CNTN5: variants seen among roughly 807,000 people sequenced by gnomAD.
The protein encoded by CNTN5 is contactin 5.
Under a neutral mutation model 129.1 loss-of-function variants are expected in CNTN5, and 77 were observed. The ratio of observed to expected loss-of-function variants is 0.60; its 90% confidence interval spans 0.50 to 0.72. The LOEUF is 0.72. Ranked by LOEUF, CNTN5 falls within the 30% of genes least tolerant of loss-of-function variation. The pLI is 0.00. For synonymous variants in CNTN5, 509 were observed against 465.6 expected (o/e 1.09, Z -1.20); for missense variants, 1,478 against 1,328.8 (o/e 1.11, Z -1.75).
chr11:99,984,290 G>T (rs1487406844), intron 8 of CNTN5, among the ~76,000 whole-genome samples: 1 of 147,726 alleles, frequency 6.8e-6, no homozygotes. Context: ...AAGAGAGAAA[G>T]AAAAGAATGG....
At chr11:100,305,142 G>T (rs940506897) in intron 20 of CNTN5, among the ~76,000 whole-genome samples, 10 of 151,526 alleles carry the variant, frequency 6.6e-5, no homozygotes, top group African/African-American at 2.2e-4. Flanking sequence ...TTTAAAAACA[G>T]AGGAAAGAGC....
rs560641573 is a variant in CNTN5 at position 99,619,798 on chromosome 11, G to GGGC, written c.55+63532_55+63534dup. On this transcript the variant is annotated intron_variant, in intron 3 of 24. Coordinates refer to ENST00000524871, the MANE Select transcript of CNTN5 (RefSeq NM_014361.4). ...TCCCAGCACTTTGGGAGGCCGAGGC[G>GGGC]GGCGGATCACAAGGTCAGGAGATCA... Among the ~76,000 whole-genome samples, 34 of 151,968 alleles carry GGGC rather than the reference G, an allele frequency of 2.2e-4. 1 individual carries two copies. The South Asian group carries it at 6.7e-3, about 30-fold the overall frequency.
chr11:99,779,066 T>C (rs1316197554), intron 3 of CNTN5, among the ~76,000 whole-genome samples: 1 of 151,892 alleles, frequency 6.6e-6, no homozygotes, highest in East Asian at 1.9e-4. Flanking sequence ...TATTTTCTAA[T>C]TAATACAATT....
chr11:99,211,134 T>G (rs1450305782), intron 1 of CNTN5, among the ~76,000 whole-genome samples: 1 of 152,114 alleles, frequency 6.6e-6, no homozygotes, highest in African/African-American at 2.4e-5. Flanking sequence ...TACCAAGATA[T>G]GATCGTAAAA....
intron 7 of CNTN5, among the ~76,000 whole-genome samples, chr11:99,916,644 T>G (rs889660589): frequency 6.6e-6 from 1 of 152,184 alleles, no homozygotes; most frequent in Non-Finnish European, 1.5e-5. Flanking sequence ...TTTTTGGCTC[T>G]TTGAGGTCTT....
intron 6 of CNTN5, among the ~76,000 whole-genome samples, chr11:99,865,307 A>G (rs889841369): frequency 6.6e-6 from 1 of 152,260 alleles, no homozygotes; most frequent in Non-Finnish European, 1.5e-5. Context: ...CTCAAGAATA[A>G]AGAACAGTCA....
intron 2 of CNTN5, among the ~76,000 whole-genome samples, chr11:99,433,921 G>A (rs556391651): frequency 1.3e-5 from 2 of 152,252 alleles, no homozygotes; most frequent in East Asian, 1.9e-4. Context: ...GCTTTACTGT[G>A]TTTTACAGAG....
Position 99,613,388 on chromosome 11 carries a change from G to A in CNTN5, c.55+57119G>A, listed in dbSNP as rs1489152472. On this transcript the variant is annotated intron_variant, in intron 3 of 24. Coordinates refer to ENST00000524871, the MANE Select transcript of CNTN5 (RefSeq NM_014361.4). ...GGTCCTTGCTTCTCTTTCGCCTTCCGCCATGTTTGTGAGTTTTTCTGAGGC... is the reference window on the plus strand; with the variant it reads ...GGTCCTTGCTTCTCTTTCGCCTTCCACCATGTTTGTGAGTTTTTCTGAGGC... Among the ~76,000 whole-genome samples, 4 of 152,074 alleles carry A rather than the reference G, an allele frequency of 2.6e-5. No individual in the cohort carries two copies. In the East Asian group the frequency reaches 7.7e-4, roughly 29 times the overall value.
intron 2 of CNTN5, among the ~76,000 whole-genome samples, chr11:99,351,413 AAT>A (rs1253845983): frequency 6.6e-6 from 1 of 152,210 alleles, no homozygotes; most frequent in African/African-American, 2.4e-5. Context: ...CTGCTGTTTA[AAT>A]TCAGGCTTGC....
In CNTN5 at chr11:100,271,246, A is replaced by T; in HGVS notation, c.2314+5A>T. On this transcript the variant is annotated splice_donor_5th_base_variant and intron_variant, in intron 18 of 24. Transcript: ENST00000524871. ...TGATCCGCACAAATGAAGCAGGTAAAAATTTGGAAGAGTCAGATTGGATTT... is the reference window on the plus strand; with the variant it reads ...TGATCCGCACAAATGAAGCAGGTAATAATTTGGAAGAGTCAGATTGGATTT... The T allele has an allele frequency of 1.9e-6, 3 of 1,592,826 alleles. No homozygotes were observed. The highest frequency in any genetic ancestry group is 2.6e-6 in the Non-Finnish European group (3 of 1,171,688).
chr11:99,804,449 C>T (rs1416346945), intron 3 of CNTN5, among the ~76,000 whole-genome samples: 2 of 151,644 alleles, frequency 1.3e-5, no homozygotes, highest in East Asian at 3.9e-4. Flanking sequence ...TGAACTCTAA[C>T]TTTATACTGA....
At chr11:99,175,737 G>A (rs1428312828) in intron 1 of CNTN5, among the ~76,000 whole-genome samples, 1 of 151,784 alleles carries the variant, frequency 6.6e-6, no homozygotes, top group African/African-American at 2.4e-5. Context: ...ATTATAGAGG[G>A]GTCAGATGTA....
At chr11:99,902,242 GT>G (rs35494270) in intron 6 of CNTN5, among the ~76,000 whole-genome samples, 75,160 of 143,660 alleles carry the variant, frequency 0.52, 20,155 homozygotes, top group African/African-American at 0.69. Context: ...AAGCTAAGGA[GT>G]TTTTTTTTTT....
At chr11:99,324,498 A>G (rs11219382) in intron 1 of CNTN5, among the ~76,000 whole-genome samples, 47,893 of 152,088 alleles carry the variant, frequency 0.31, 7,632 homozygotes, top group Middle Eastern at 0.38. Context: ...AATAAGAAAT[A>G]TGTTATTAGA....
rs138262212 is a variant in CNTN5, at chr11:99,891,881, T to C, written c.578-24173T>C. On this transcript the variant is annotated intron_variant, in intron 6 of 24. Coordinates refer to ENST00000524871, the MANE Select transcript of CNTN5 (RefSeq NM_014361.4). Reference sequence around the variant, plus strand: ...TTGCTGGGTCAAGTGGTATTTCTAGTTCTAGATCCTTGAGGAATCACCACA... The same window carrying C: ...TTGCTGGGTCAAGTGGTATTTCTAGCTCTAGATCCTTGAGGAATCACCACA... Among the ~76,000 whole-genome samples, 235 of 152,284 alleles carry C rather than the reference T, an allele frequency of 1.5e-3. 2 individuals are homozygous for C. Among genetic ancestry groups the C allele is most frequent in the Non-Finnish European group, 2.5e-3 (170 of 68,016 alleles).
chr11:99,677,220 C>T (rs538897572), intron 3 of CNTN5, among the ~76,000 whole-genome samples: 1 of 152,256 alleles, frequency 6.6e-6, no homozygotes, highest in East Asian at 1.9e-4. Flanking sequence ...GTCGCTCAGA[C>T]AGGAGAAAAT....
At chr11:100,339,397 C>G (rs570249823) in intron 21 of CNTN5, among the ~76,000 whole-genome samples, 54 of 152,188 alleles carry the variant, frequency 3.5e-4, no homozygotes, top group African/African-American at 1.3e-3. Flanking sequence ...AGGTTGCCTT[C>G]CCTAAAGTTA....
chr11:99,887,756 G>A (rs946445779), intron 6 of CNTN5, among the ~76,000 whole-genome samples: 12 of 152,204 alleles, frequency 7.9e-5, no homozygotes, highest in African/African-American at 1.9e-4. Context: ...ATCAGGAAGC[G>A]TCCAGCACAG....
chr11:99,668,036 G>A (rs942641820), intron 3 of CNTN5, among the ~76,000 whole-genome samples: 3 of 152,122 alleles, frequency 2.0e-5, no homozygotes, highest in Non-Finnish European at 4.4e-5. Context: ...TATCCAGTAT[G>A]ATAGCAACAA....
Sources: gnomAD v4.1 joint callset for allele counts (sites outside exome capture counted in the v4.1 genomes callset) on GRCh38, gnomAD v4.1.1 for gene constraint, MANE v1.5 for transcripts, NCBI Gene and HGNC (gene_info 2026-07-23, HGNC 2026-07-21) for gene names.